Variants in ULK4 observed in about 807,000 individuals in gnomAD.
The protein encoded by ULK4 is unc-51 like kinase 4, also known as inactive serine/threonine-protein kinase ULK4.
A neutral mutation model predicts 160.6 loss-of-function variants in ULK4; 133 were observed. The ratio of observed to expected loss-of-function variants is 0.83; its 90% confidence interval spans 0.72 to 0.96. The LOEUF (loss-of-function observed/expected upper bound fraction) is 0.96, where lower values mean the gene tolerates loss of function less well. Ranked by LOEUF, ULK4 falls within the 40% of genes least tolerant of loss-of-function variation. The pLI is 0.00. For synonymous variants in ULK4, 534 were observed against 539.8 expected (o/e 0.99, Z 0.15); for missense variants, 1,580 against 1,499.5 (o/e 1.05, Z -0.89).
chr3:41,796,710 T>C (rs1433611069), intron 20 of ULK4, among the ~76,000 whole-genome samples: 3 of 152,218 alleles, frequency 2.0e-5, no homozygotes, highest in Non-Finnish European at 2.9e-5. Flanking sequence ...TTTTAAAATA[T>C]AAATGTCTAT....
At position 41,300,836 on chromosome 3, in the gene ULK4, ATTATATATATATATATATATATAT is replaced by A. The variant is rs1224363314; in HGVS notation, c.3679-51286_3679-51263del. ...TGATTAAATTTTGATCATTTTACAGATTATATATATATATATATATATATATATATATATATATATATATATATA... is the reference window on the plus strand; with the variant it reads ...TGATTAAATTTTGATCATTTTACAGAATATATATATATATATATATATATA... On this transcript the variant is annotated intron_variant, in intron 35 of 36. Coordinates refer to ENST00000301831, the MANE Select transcript of ULK4 (RefSeq NM_017886.4). 5.5e-4 allele frequency among the ~76,000 whole-genome samples: 44 copies of A among 79,460 alleles called. 1 individual carries two copies. The highest frequency in any genetic ancestry group is 7.0e-4 in the Non-Finnish European group (30 of 43,164). 52.1% of individuals were successfully genotyped at this position (79,460 alleles called of 152,430 possible).
rs150646057 is a variant in ULK4, at chr3:41,322,449, A to G, written c.3679-72875T>C. The stretch of plus-strand genomic sequence containing the variant: ...GAGGCAATAATTGAGGTTGCTGTAG[A>G]CCCGTATGGATTCGCTGCTGCTAAC... On this transcript the variant is annotated intron_variant, in intron 35 of 36. Transcript: ENST00000301831. 3.7e-3 allele frequency among the ~76,000 whole-genome samples: 570 copies of G among 152,182 alleles called. 1 individual carries two copies. The highest frequency in any genetic ancestry group is 0.012 in the African/African-American group (517 of 41,474).
At chr3:41,720,935 A>G (rs950125202) in intron 22 of ULK4, among the ~76,000 whole-genome samples, 24 of 152,194 alleles carry the variant, frequency 1.6e-4, no homozygotes, top group Non-Finnish European at 1.6e-4. Flanking sequence ...TTTGCTATTT[A>G]TAACATCAAA....
chr3:41,282,004 A>G (rs2079364744), intron 35 of ULK4, among the ~76,000 whole-genome samples: 1 of 152,206 alleles, frequency 6.6e-6, no homozygotes, highest in African/African-American at 2.4e-5. Flanking sequence ...CTATACACCA[A>G]TAACAGACAA....
chr3:41,365,886 T>C (rs1241728001), intron 35 of ULK4, among the ~76,000 whole-genome samples: 1 of 152,178 alleles, frequency 6.6e-6, no homozygotes, highest in Non-Finnish European at 1.5e-5. Flanking sequence ...ACTGATTTTC[T>C]TGATTAAAGA....
At chr3:41,386,245 G>T (rs550941830) in intron 35 of ULK4, among the ~76,000 whole-genome samples, 1 of 152,048 alleles carries the variant, frequency 6.6e-6, no homozygotes, top group Non-Finnish European at 1.5e-5. Context: ...TACAACTAGA[G>T]TCTAATTTTG....
chr3:41,585,811 T>C lies in ULK4; in HGVS notation c.3121-19681A>G, dbSNP rs376508042. Among the ~76,000 whole-genome samples the C allele has an allele frequency of 9.0e-4, 137 of 152,302 alleles. No individual in the cohort carries two copies. The Middle Eastern group carries it at 0.01, about 11-fold the overall frequency. The stretch of plus-strand genomic sequence containing the variant: ...ATCTACATTGTATAAAAAACTCCTA[T>C]ATTTCAATAACAACAACAAAATTAA... On this transcript the variant is annotated intron_variant, in intron 31 of 36. Coordinates refer to ENST00000301831, the MANE Select transcript of ULK4 (RefSeq NM_017886.4).
chr3:41,407,072 A>G (rs551943311), intron 34 of ULK4, among the ~76,000 whole-genome samples: 1 of 152,328 alleles, frequency 6.6e-6, no homozygotes, highest in Non-Finnish European at 1.5e-5. Context: ...AGTTTATAGG[A>G]CAAGGCAGCT....
intron 21 of ULK4, among the ~76,000 whole-genome samples, chr3:41,786,201 C>G (rs1366273065): frequency 6.6e-6 from 1 of 152,182 alleles, no homozygotes; most frequent in Non-Finnish European, 1.5e-5. Context: ...CCTGTTAGGG[C>G]ATAAGCACTT....
intron 17 of ULK4, among the ~76,000 whole-genome samples, chr3:41,883,317 T>C (rs1459218137): frequency 6.6e-6 from 1 of 152,194 alleles, no homozygotes; most frequent in Non-Finnish European, 1.5e-5. Context: ...AAATCCCCTC[T>C]CCTTACCCCT....
chr3:41,618,878 C>A (rs1246231367), intron 30 of ULK4, among the ~76,000 whole-genome samples: 5 of 151,396 alleles, frequency 3.3e-5, no homozygotes, highest in Non-Finnish European at 7.4e-5. Context: ...TTCAGGAGAC[C>A]CATCTCACAT....
intron 4 of ULK4, 127 bp downstream of exon 4, chr3:41,935,672 TAA>T: frequency 8.4e-7 from 1 of 1,188,858 alleles, no homozygotes; most frequent in Non-Finnish European, 1.1e-6. Flanking sequence ...CCTTTTATTT[TAA>T]AAAAAGATTA....
At chr3:41,780,285 G>A (rs547035798) in intron 21 of ULK4, among the ~76,000 whole-genome samples, 1 of 152,148 alleles carries the variant, frequency 6.6e-6, no homozygotes, top group East Asian at 1.9e-4. Flanking sequence ...TCCAGCCTCG[G>A]AGAAAGAGAC....
chr3:41,751,924 G>A (rs2038645251), intron 22 of ULK4, among the ~76,000 whole-genome samples: 1 of 152,176 alleles, frequency 6.6e-6, no homozygotes, highest in South Asian at 2.1e-4. Context: ...AAACCATGGG[G>A]CTCAAATGGA....
chr3:41,943,079 G>A (rs1700008847), intron 2 of ULK4, among the ~76,000 whole-genome samples: 1 of 151,856 alleles, frequency 6.6e-6, no homozygotes, highest in South Asian at 2.1e-4. Context: ...CGGGCATGGT[G>A]GTGGGCACCT....
intron 1 of ULK4, 140 bp from the exon 2 acceptor site, chr3:41,954,947 A>C (rs1700433461): frequency 1.7e-6 from 1 of 583,992 alleles, no homozygotes; most frequent in Non-Finnish European, 2.9e-6. Flanking sequence ...ACAAATGTTA[A>C]ATACTAATGC....
intron 35 of ULK4, among the ~76,000 whole-genome samples, chr3:41,352,764 G>T (rs2080936250): frequency 6.6e-6 from 1 of 152,156 alleles, no homozygotes; most frequent in Admixed American, 6.5e-5. Context: ...TCTCTGCAGA[G>T]CTCAAAGCCC....
At chr3:41,377,444 A>C (rs1179866004) in intron 35 of ULK4, among the ~76,000 whole-genome samples, 2 of 150,176 alleles carry the variant, frequency 1.3e-5, no homozygotes, top group Non-Finnish European at 2.9e-5. Context: ...GCAACCTACA[A>C]AATGGGAGAA....
At chr3:41,953,349 C>T (rs925733311) in intron 2 of ULK4, among the ~76,000 whole-genome samples, 1 of 141,870 alleles carries the variant, frequency 7.0e-6, no homozygotes, top group African/African-American at 2.6e-5. Flanking sequence ...GTCACCCAGG[C>T]TGGGGTGCAA....
Sources: gnomAD v4.1 joint callset for allele counts (sites outside exome capture counted in the v4.1 genomes callset) on GRCh38, gnomAD v4.1.1 for gene constraint, MANE v1.5 for transcripts, NCBI Gene and HGNC (gene_info 2026-07-23, HGNC 2026-07-21) for gene names.